The following STXBP5L variants were observed in gnomAD, a reference collection of about 807,000 sequenced individuals.
STXBP5L encodes syntaxin binding protein 5L.
STXBP5L carries 65 observed loss-of-function variants against 144.5 expected under a neutral mutation model. That is an observed-to-expected ratio of 0.45 (90% CI 0.37 to 0.55). STXBP5L has a LOEUF of 0.55. STXBP5L is among the 20% of genes least tolerant of loss of function. The pLI is 0.00. For synonymous variants in STXBP5L, 505 were observed against 469.6 expected, an observed-to-expected ratio of 1.08 and a Z score of -0.97; for missense variants, 1,298 against 1,405.5, an observed-to-expected ratio of 0.92 and a Z score of 1.22.
At chr3:121,135,187 G>A (rs141781275) in intron 7 of STXBP5L, among the ~76,000 whole-genome samples, 15,121 of 152,098 alleles carry the variant, frequency 0.099, 1,182 homozygotes, top group Admixed American at 0.2. Context: ...TGAGTCTGTT[G>A]GCTTCATAAA....
rs962897391 is a variant in STXBP5L at position 121,159,631 on chromosome 3, T to C, written c.877+2004T>C. Among the ~76,000 whole-genome samples the C allele has an allele frequency of 6.1e-5, 9 of 148,054 alleles. No individual in the cohort carries two copies. The South Asian group carries it at 1.5e-3, about 25-fold the overall frequency. ...CTTGGGAAGAATGTACATTTTCTTT[T>C]TTTTTTTTTTTTTTTTGAGACGGAG... On this transcript the variant is annotated intron_variant, in intron 9 of 26. Transcript: ENST00000471454.
intron 19 of STXBP5L, among the ~76,000 whole-genome samples, chr3:121,289,255 A>C (rs557685212): frequency 6.6e-6 from 1 of 152,308 alleles, no homozygotes; most frequent in African/African-American, 2.4e-5. Context: ...TAAGAAAGAC[A>C]TGAAGGGACA....
intron 20 of STXBP5L, among the ~76,000 whole-genome samples, chr3:121,351,937 G>C (rs1229535001): frequency 2.6e-5 from 4 of 152,128 alleles, no homozygotes; most frequent in Non-Finnish European, 5.9e-5. Flanking sequence ...TTATTAAATA[G>C]GGAATCCTTT....
chr3:121,182,413 G>T (rs1319190345), intron 9 of STXBP5L, among the ~76,000 whole-genome samples: 1 of 152,106 alleles, frequency 6.6e-6, no homozygotes, highest in South Asian at 2.1e-4. Flanking sequence ...ATCTGCTCTT[G>T]AATTATCTTT....
intron 5 of STXBP5L, among the ~76,000 whole-genome samples, chr3:121,048,509 A>C (rs1025873290): frequency 2.0e-5 from 3 of 152,048 alleles, no homozygotes; most frequent in African/African-American, 7.2e-5. Flanking sequence ...GTCTCTTTAC[A>C]TAATCCTTTA....
chr3:121,015,884 C>G (rs1945110905), intron 3 of STXBP5L, among the ~76,000 whole-genome samples: 2 of 152,126 alleles, frequency 1.3e-5, no homozygotes, highest in South Asian at 4.1e-4. Flanking sequence ...CCCAGACACA[C>G]AGACCCATTA....
intron 9 of STXBP5L, among the ~76,000 whole-genome samples, chr3:121,176,791 G>A (rs2046955163): frequency 6.6e-6 from 1 of 151,524 alleles, no homozygotes; most frequent in Non-Finnish European, 1.5e-5. Context: ...AAACAAACAT[G>A]AAATGAAGGA....
intron 3 of STXBP5L, among the ~76,000 whole-genome samples, chr3:120,996,430 T>C (rs1395187019): frequency 6.6e-6 from 1 of 152,144 alleles, no homozygotes; most frequent in Non-Finnish European, 1.5e-5. Flanking sequence ...CATATCTTTG[T>C]CTTCATATAC....
chr3:121,361,651 A>G (rs2045715463), intron 20 of STXBP5L, among the ~76,000 whole-genome samples: 1 of 150,398 alleles, frequency 6.6e-6, no homozygotes, highest in Admixed American at 6.6e-5. Context: ...GATTATTTCA[A>G]TCTCTTGTTA....
At chr3:121,350,029 A>T (rs1484986353) in intron 20 of STXBP5L, among the ~76,000 whole-genome samples, 6 of 152,110 alleles carry the variant, frequency 3.9e-5, no homozygotes, top group Admixed American at 3.3e-4. Context: ...TTTGCTTGTT[A>T]GTTGATGCAG....
At chr3:121,141,441 A>C (rs912284762) in intron 7 of STXBP5L, among the ~76,000 whole-genome samples, 2 of 152,176 alleles carry the variant, frequency 1.3e-5, no homozygotes, top group Non-Finnish European at 2.9e-5. Flanking sequence ...CTAAGGGTAA[A>C]TATACAAACA....
intron 3 of STXBP5L, among the ~76,000 whole-genome samples, chr3:120,992,133 C>G (rs914857716): frequency 1.3e-5 from 2 of 151,742 alleles, no homozygotes; most frequent in South Asian, 2.1e-4. Context: ...CTGCTTTTTT[C>G]TTTAAAAAAA....
chr3:121,102,236 T>C (rs745978133), intron 5 of STXBP5L, among the ~76,000 whole-genome samples: 3 of 151,808 alleles, frequency 2.0e-5, no homozygotes, highest in Admixed American at 6.6e-5. Context: ...GGAACCAAAA[T>C]AGAGCCCAAA....
At chr3:121,112,777 C>A (rs1047219672) in intron 5 of STXBP5L, among the ~76,000 whole-genome samples, 1 of 151,898 alleles carries the variant, frequency 6.6e-6, no homozygotes, top group Non-Finnish European at 1.5e-5. Context: ...TAGAAAAAAT[C>A]CTTCATCTAT....
intron 22 of STXBP5L, among the ~76,000 whole-genome samples, chr3:121,401,821 C>G (rs1239695169): frequency 2.9e-5 from 4 of 136,046 alleles, no homozygotes; most frequent in Admixed American, 2.2e-4. Flanking sequence ...GTGCAGCGCA[C>G]CAGCATGGCA....
At chr3:121,262,184 A>G (rs183849917) in intron 18 of STXBP5L, among the ~76,000 whole-genome samples, 3 of 152,316 alleles carry the variant, frequency 2.0e-5, no homozygotes, top group Non-Finnish European at 4.4e-5. Context: ...AATTTGGGGA[A>G]ACACAAAAAT....
chr3:120,953,502 CTTT>C (rs758605593), intron 2 of STXBP5L, among the ~76,000 whole-genome samples: 1 of 132,102 alleles, frequency 7.6e-6, no homozygotes. Flanking sequence ...TGAATTTTTC[CTTT>C]TTTTTTTTTT....
At chr3:121,048,703 T>A (rs1947701877) in intron 5 of STXBP5L, among the ~76,000 whole-genome samples, 2 of 151,658 alleles carry the variant, frequency 1.3e-5, no homozygotes, top group South Asian at 2.1e-4. Context: ...TTTTTTTTTT[T>A]AAGACAGAGT....
intron 9 of STXBP5L, among the ~76,000 whole-genome samples, chr3:121,177,700 C>G (rs1392033562): frequency 6.6e-6 from 1 of 152,162 alleles, no homozygotes; most frequent in Non-Finnish European, 1.5e-5. Flanking sequence ...GATACAGCTT[C>G]TGTGGAAAAC....
Sources: allele counts gnomAD v4.1 joint callset (sites outside exome capture counted in the v4.1 genomes callset), GRCh38; gene constraint gnomAD v4.1.1; transcripts MANE v1.5; gene names NCBI Gene and HGNC (gene_info 2026-07-23, HGNC 2026-07-21).